The following POLR1H variants were observed in gnomAD, a reference collection of about 807,000 sequenced individuals.
POLR1H encodes DNA-directed RNA polymerase I subunit RPA12.
In POLR1H, 5 loss-of-function variants were observed where a neutral mutation model predicts 15.8. The observed-to-expected ratio is 0.32, with a 90% CI of 0.17 to 0.67. The LOEUF (loss-of-function observed/expected upper bound fraction) is 0.67, where lower values mean the gene tolerates loss of function less well. Ranked by LOEUF, POLR1H falls within the 30% of genes least tolerant of loss-of-function variation. The pLI is 0.74. For missense variants in POLR1H, 100 were observed against 163.4 expected (o/e 0.61, Z 2.11); for synonymous variants, 43 against 58.3 (o/e 0.74, Z 1.20).
chr6:30,064,837 A>G lies in POLR1H; in HGVS notation c.*140A>G. The G allele has an allele frequency of 1.2e-5, 8 of 655,322 alleles. No homozygotes were observed. The highest frequency in any genetic ancestry group is 2.0e-5 in the Non-Finnish European group (8 of 394,296). The allele number at this position is 655,322 out of a possible 1,614,324, so 40.6% of individuals were successfully genotyped here. A position where few individuals can be genotyped will look rare whatever the true frequency, so the allele number is the denominator to read the frequency against. On this transcript the variant is annotated 3_prime_UTR_variant, in exon 4 of 4. Coordinates refer to ENST00000332435, the MANE Select transcript of POLR1H (RefSeq NM_170783.4). ...ATCAGATCATCATGTGGGGATTACC[A>G]TTGTTCCTGGAGTACTCCTACCCTT...
At chr6:30,064,471 A>G (rs925952819) in intron 3 of POLR1H, among the ~76,000 whole-genome samples, 2 of 151,116 alleles carry the variant, frequency 1.3e-5, no homozygotes, top group East Asian at 3.9e-4. Context: ...CTTTGCTTTG[A>G]GGTTATAACT....
intron 3 of POLR1H, among the ~76,000 whole-genome samples, chr6:30,062,714 C>CTTTTTTTTTTTTTTT (rs9278555): frequency 2.6e-4 from 11 of 42,372 alleles, no homozygotes; most frequent in Admixed American, 1.2e-3. Flanking sequence ...CCACGCCTGG[C>CTTTTTTTTTTTTTTT]TTTTTTTTTT....
At chr6:30,061,204 A>T (rs1765016835), upstream of POLR1H, 1 of 296,892 alleles carries the variant, frequency 3.4e-6, no homozygotes, top group Non-Finnish European at 6.2e-6. The surrounding 1 kb of genome is among the most constrained non-coding windows in gnomAD (Gnocchi z 5.0). Flanking sequence ...GTCACAGCCA[A>T]TCGTCAACGC....
In POLR1H at chr6:30,061,887, T is replaced by A; in HGVS notation, c.146-30T>A. On this transcript the variant is annotated intron_variant, in intron 1 of 3. Transcript: ENST00000332435. The surrounding 1 kb of genome is among the most constrained non-coding windows in gnomAD (Gnocchi z 5.0). Reference sequence around the variant, plus strand: ...CCGGTGTCAGCTCTCTCTGGTTGTCTCCATAACCAGTTCTTACTTGCCTGT... The same window carrying A: ...CCGGTGTCAGCTCTCTCTGGTTGTCACCATAACCAGTTCTTACTTGCCTGT... 2 of 1,605,720 alleles carry A rather than the reference T, an allele frequency of 1.2e-6. No homozygotes were observed. The highest frequency in any genetic ancestry group is 1.7e-6 in the Non-Finnish European group (2 of 1,173,394).
In POLR1H at chr6:30,063,045, G is replaced by A. The variant is rs1179227017; in HGVS notation, c.356+712G>A. On this transcript the variant is annotated intron_variant, in intron 3 of 3. Coordinates refer to ENST00000332435, the MANE Select transcript of POLR1H (RefSeq NM_170783.4). The surrounding 1 kb of genome is among the most constrained non-coding windows in gnomAD (Gnocchi z 4.1). ...ACATGGGCTTTCTGAATGCTTTTAA[G>A]ACCTCATTTTTGTCTTTGGTGTTCT... 1.3e-5 allele frequency among the ~76,000 whole-genome samples: 2 copies of A among 152,060 alleles called. No individual in the cohort carries two copies. The highest frequency in any genetic ancestry group is 4.8e-5 in the African/African-American group (2 of 41,398).
At chr6:30,060,520 T>C (rs1053720672), upstream of POLR1H, 4 of 152,236 alleles carry the variant, frequency 2.6e-5, no homozygotes, top group African/African-American at 7.2e-5. Flanking sequence ...CTAAGTCTTA[T>C]GAAATCCTAC....
In POLR1H at chr6:30,064,736, C is replaced by G; in HGVS notation, c.*39C>G. The G allele has an allele frequency of 6.3e-7, 1 of 1,596,696 alleles. No individual in the cohort carries two copies. The highest frequency in any genetic ancestry group is 8.5e-7 in the Non-Finnish European group (1 of 1,170,154). On this transcript the variant is annotated 3_prime_UTR_variant, in exon 4 of 4. Transcript: ENST00000332435. ...CAACTCTACAGTCCCTCCCTCCTTT[C>G]GGAAGGTGAAGGATACTGGGTTTTT...
rs181784758 is a variant in POLR1H at position 30,063,242 on chromosome 6, C to T, written c.356+909C>T. On this transcript the variant is annotated intron_variant, in intron 3 of 3. Transcript: ENST00000332435. This position sits in a 1 kb window ranked among gnomAD's most constrained non-coding sequence, Gnocchi z 4.1. Reference sequence around the variant, plus strand: ...TTCTCAGTCCTCACATTCTGGACCTCGAATTAGTTACTAGAAAGAGGTTTC... The same window carrying T: ...TTCTCAGTCCTCACATTCTGGACCTTGAATTAGTTACTAGAAAGAGGTTTC... 2.6e-3 allele frequency among the ~76,000 whole-genome samples: 400 copies of T among 152,016 alleles called. 11 individuals carry two copies. The South Asian group carries it at 0.05, about 19-fold the overall frequency.
At chr6:30,064,635 C>G in intron 3 of POLR1H, 38 bp from the exon 4 acceptor site, 1 of 1,592,156 alleles carries the variant, frequency 6.3e-7, no homozygotes, top group Non-Finnish European at 8.5e-7. Flanking sequence ...AGAAACTCAT[C>G]TTTTGGTGAA....
chr6:30,060,766 C>CGCAAA, upstream of POLR1H: 1 of 152,314 alleles, frequency 6.6e-6, no homozygotes, highest in East Asian at 1.9e-4. Context: ...GTGAACCGTC[C>CGCAAA]GCAAAGCACG....
rs776774508 is a variant in POLR1H at position 30,062,222 on chromosome 6, A to G, written c.247-2A>G. 2 of 1,611,980 alleles carry G rather than the reference A, an allele frequency of 1.2e-6. No homozygotes were observed. The highest frequency in any genetic ancestry group is 2.2e-5 in the South Asian group (2 of 91,060). ...CTCCCTAACCCACCAGTTTCTTCCC[A>G]GGTTGACAGGCGCTGCCCTCGATGT... On this transcript the variant is annotated splice_acceptor_variant, in intron 2 of 3. Transcript: ENST00000332435. LOFTEE classifies it high-confidence loss of function.
intron 3 of POLR1H, among the ~76,000 whole-genome samples, chr6:30,064,305 A>T (rs571331883): frequency 6.9e-4 from 104 of 151,098 alleles, no homozygotes; most frequent in East Asian, 2.1e-3. Flanking sequence ...AAAAAAAAAA[A>T]TTTTTTTTAA....
chr6:30,062,107 A>T, intron 2 of POLR1H, 90 bp downstream of exon 2: 1 of 1,474,314 alleles, frequency 6.8e-7, no homozygotes, highest in Non-Finnish European at 9.5e-7. Context: ...TTTTGTGCCC[A>T]ATTCCAAGAG....
rs989866738 is a variant in POLR1H at position 30,061,500 on chromosome 6, C to T, written c.-25C>T. On this transcript the variant is annotated 5_prime_UTR_variant, in exon 1 of 4. Transcript: ENST00000332435. This position sits in a 1 kb window ranked among gnomAD's most constrained non-coding sequence, Gnocchi z 5.0. ...CTTCTCTCTTTTGTTAATAAACTTC[C>T]AACTCCCTCCTCAGACCCGACCGCA... The T allele has an allele frequency of 6.2e-7, 1 of 1,611,170 alleles. No homozygotes were observed. The highest frequency in any genetic ancestry group is 8.5e-7 in the Non-Finnish European group (1 of 1,178,748).
In POLR1H at chr6:30,061,756, T is replaced by C. The variant is rs1308440825; in HGVS notation, c.145+87T>C. 2 of 1,588,556 alleles carry C rather than the reference T, an allele frequency of 1.3e-6. No individual in the cohort carries two copies. The highest frequency in any genetic ancestry group is 2.7e-5 in the African/African-American group (2 of 74,198). ...AAGATCGGTTGGGTTGAGGAGGGGA[T>C]CCTAGAGCAGGACATCAGGCGGTTG... On this transcript the variant is annotated intron_variant, in intron 1 of 3. Coordinates refer to ENST00000332435, the MANE Select transcript of POLR1H (RefSeq NM_170783.4). This position sits in a 1 kb window ranked among gnomAD's most constrained non-coding sequence, Gnocchi z 5.0.
rs1278688623 is a variant in POLR1H at position 30,061,529 on chromosome 6, C to T, written c.5C>T (p.Ser2Phe). The T allele has an allele frequency of 1.9e-6, 3 of 1,612,938 alleles. No homozygotes were observed. In the Admixed American group the frequency reaches 5.0e-5, roughly 27 times the overall value. The change falls in exon 1 of 4, where the codon TCT becomes TTT. Residue 2 changes from serine to phenylalanine, a missense_variant. Coordinates refer to ENST00000332435, the MANE Select transcript of POLR1H (RefSeq NM_170783.4). This position sits in a 1 kb window ranked among gnomAD's most constrained non-coding sequence, Gnocchi z 5.0. Reference sequence around the variant, plus strand: ...TCCCTCCTCAGACCCGACCGCATGTCTGTCATGGACCTCGCCAATACTTGC... The same window carrying T: ...TCCCTCCTCAGACCCGACCGCATGTTTGTCATGGACCTCGCCAATACTTGC... M[S>F]VMDLANTCSS...
intron 3 of POLR1H, 116 bp from the exon 4 acceptor site, chr6:30,064,557 T>A: frequency 1.9e-5 from 16 of 857,732 alleles, no homozygotes; most frequent in Non-Finnish European, 2.6e-5. Context: ...GGGGAGCCAG[T>A]CCTCAATGAT....
chr6:30,064,697 A>C lies in POLR1H; in HGVS notation c.381A>C (p.Ter127CysextTer16). The C allele has an allele frequency of 6.2e-7, 1 of 1,608,828 alleles. No individual in the cohort carries two copies. Among genetic ancestry groups the C allele is most frequent in the Non-Finnish European group, 8.5e-7 (1 of 1,178,510 alleles). ...GGTTCCAGGAGAAGGAAGACTCTTG[A>C]CCTTTTTCCTGGGCAACTCTACAGT... is the stretch of plus-strand genomic sequence containing the variant. ...NCKFQEKEDS[*>C] The change falls in exon 4 of 4, where the codon TGA becomes TGC. Residue 127 changes from the stop codon to cysteine, a stop_lost. Coordinates refer to ENST00000332435, the MANE Select transcript of POLR1H (RefSeq NM_170783.4).
chr6:30,061,214 C>A, upstream of POLR1H: 1 of 318,818 alleles, frequency 3.1e-6, no homozygotes, highest in Non-Finnish European at 5.8e-6. The surrounding 1 kb of genome is among the most constrained non-coding windows in gnomAD (Gnocchi z 5.0). Context: ...ATCGTCAACG[C>A]GAAAGCCTGA....
Sources: gnomAD v4.1 joint callset for allele counts (sites outside exome capture counted in the v4.1 genomes callset) on GRCh38, gnomAD v4.1.1 for gene constraint, Gnocchi (gnomAD v3.1) non-coding constraint, MANE v1.5 for transcripts, NCBI Gene and HGNC (gene_info 2026-07-23, HGNC 2026-07-21) for gene names.